The following SASH1 variants were observed in gnomAD, a reference collection of about 807,000 sequenced individuals.
SASH1 encodes the protein SAM and SH3 domain containing 1, also known as SAM and SH3 domain-containing protein 1.
SASH1 carries 44 observed loss-of-function variants against 125.2 expected under a neutral mutation model. The observed-to-expected ratio is 0.35, with a 90% CI of 0.28 to 0.45. SASH1 has a LOEUF of 0.45. SASH1 is among the 20% of genes least tolerant of loss of function. SASH1 has a pLI of 1.00. For missense variants in SASH1, 1,426 were observed against 1,614.5 expected, an observed-to-expected ratio of 0.88 and a Z score of 2.00; for synonymous variants, 639 against 649.1, an observed-to-expected ratio of 0.98 and a Z score of 0.24.
At chr6:148,307,263 T>C (rs1253247980) in intron 1 of SASH1, among the ~76,000 whole-genome samples, 1 of 151,690 alleles carries the variant, frequency 6.6e-6, no homozygotes, top group Admixed American at 6.6e-5. Flanking sequence ...GGATTACAGG[T>C]GTGTGCCACC....
intron 19 of SASH1, 37 bp downstream of exon 19, chr6:148,546,183 A>T: frequency 3.7e-6 from 6 of 1,606,802 alleles, no homozygotes; most frequent in Non-Finnish European, 5.1e-6. Context: ...CCTGAGGCAC[A>T]TTTAGTGATC....
chr6:148,447,756 G>GTCCTCCTCT (rs1453398165), intron 4 of SASH1, among the ~76,000 whole-genome samples: 8 of 139,164 alleles, frequency 5.7e-5, no homozygotes, highest in Admixed American at 1.5e-4. Flanking sequence ...CCTCCTCCTC[G>GTCCTCCTCT]TCCTCCTCTT....
intron 4 of SASH1, among the ~76,000 whole-genome samples, chr6:148,455,388 A>T (rs768911452): frequency 4.6e-5 from 7 of 152,108 alleles, no homozygotes; most frequent in Non-Finnish European, 7.4e-5. Context: ...TGTTCAGCTG[A>T]TGTGGGTAGA....
At chr6:148,313,641 G>A (rs1364093693) in intron 1 of SASH1, among the ~76,000 whole-genome samples, 1 of 151,986 alleles carries the variant, frequency 6.6e-6, no homozygotes, top group Non-Finnish European at 1.5e-5. Flanking sequence ...CAGGTGGCAC[G>A]AGCTCGATGA....
intron 8 of SASH1, chr6:148,513,228 T>C (rs1396916065): frequency 1.0e-6 from 1 of 985,340 alleles, no homozygotes; most frequent in Non-Finnish European, 1.2e-6. Flanking sequence ...TTGTTTTGTG[T>C]GTTCATTTGA....
At chr6:148,299,395 G>A (rs112297850) in intron 1 of SASH1, among the ~76,000 whole-genome samples, 10,526 of 151,772 alleles carry the variant, frequency 0.069, 431 homozygotes, top group African/African-American at 0.12. Context: ...CGTTGGGTGC[G>A]GTGGCTCACA....
intron 7 of SASH1, among the ~76,000 whole-genome samples, chr6:148,476,936 A>G (rs1471694328): frequency 6.6e-6 from 1 of 152,218 alleles, no homozygotes; most frequent in Non-Finnish European, 1.5e-5. Context: ...CTCACTTTCA[A>G]CAAAGGTGCC....
chr6:148,234,594 G>A, the SASH1 span, among the ~76,000 whole-genome samples: 11 of 152,188 alleles, frequency 7.2e-5, no homozygotes, highest in African/African-American at 2.2e-4. Context: ...GGGAGGCCAA[G>A]GCAGGTAGAT....
At chr6:148,486,479 A>G (rs9403956) in intron 7 of SASH1, among the ~76,000 whole-genome samples, 10,155 of 152,170 alleles carry the variant, frequency 0.067, 924 homozygotes, top group East Asian at 0.46. Context: ...CTTGTTTCTG[A>G]ACCTAAACTT....
chr6:148,218,358 A>C, the SASH1 span, among the ~76,000 whole-genome samples: 1 of 152,230 alleles, frequency 6.6e-6, no homozygotes, highest in East Asian at 1.9e-4. Context: ...CCAAAAACAT[A>C]ACCTAACATG....
upstream of SASH1, among the ~76,000 whole-genome samples, chr6:148,341,524 A>C (rs180947775): frequency 1.8e-4 from 28 of 152,122 alleles, no homozygotes; most frequent in African/African-American, 6.7e-4. Flanking sequence ...TTACTTTTGA[A>C]AATGTTTTTA....
At chr6:148,382,125 TA>T (rs1259890758) in intron 1 of SASH1, among the ~76,000 whole-genome samples, 1 of 151,598 alleles carries the variant, frequency 6.6e-6, no homozygotes, top group African/African-American at 2.4e-5. Context: ...ATCAGCAGCA[TA>T]TTTTTTTGAC....
Position 148,424,516 on chromosome 6 carries a change from T to C in SASH1, c.286-15668T>C, listed in dbSNP as rs144749662. Among the ~76,000 whole-genome samples, 348 of 151,566 alleles carry C rather than the reference T, an allele frequency of 2.3e-3. 2 individuals are homozygous for C. The highest frequency in any genetic ancestry group is 7.7e-3 in the African/African-American group (319 of 41,284). ...CTGGGGTTACAGGCGTGAGCCACCATATCCGGCCAGATGGGGCTTGTTCTG... is the reference window on the plus strand; with the variant it reads ...CTGGGGTTACAGGCGTGAGCCACCACATCCGGCCAGATGGGGCTTGTTCTG... On this transcript the variant is annotated intron_variant, in intron 2 of 19. Transcript: ENST00000367467.
chr6:148,368,694 C>CAGAT (rs1782573289), intron 1 of SASH1, among the ~76,000 whole-genome samples: 1 of 150,998 alleles, frequency 6.6e-6, no homozygotes, highest in Admixed American at 6.7e-5. Context: ...TATAGGTATA[C>CAGAT]AGATGCTCAA....
chr6:148,394,192 C>T (rs996656855), intron 2 of SASH1, among the ~76,000 whole-genome samples: 1 of 152,088 alleles, frequency 6.6e-6, no homozygotes, highest in African/African-American at 2.4e-5. Flanking sequence ...TGCGCTCAGC[C>T]TTCAGATTCT....
chr6:148,324,135 A>AAAAAAAAAAAAAG (rs1780734579), intron 1 of SASH1, among the ~76,000 whole-genome samples: 1 of 150,356 alleles, frequency 6.7e-6, no homozygotes, highest in Non-Finnish European at 1.5e-5. Flanking sequence ...AAAAAAAAAA[A>AAAAAAAAAAAAAG]ACAAGCATAA....
chr6:148,448,638 C>G (rs1006948859), intron 4 of SASH1, among the ~76,000 whole-genome samples: 2 of 152,240 alleles, frequency 1.3e-5, no homozygotes, highest in Middle Eastern at 3.4e-3. Context: ...TTTTACCCAG[C>G]CTGTGAGCTC....
chr6:148,248,601 A>G, the SASH1 span, among the ~76,000 whole-genome samples: 2 of 152,224 alleles, frequency 1.3e-5, no homozygotes, highest in African/African-American at 4.8e-5. Context: ...TTAATTTTCC[A>G]CAAATTTCCC....
intron 1 of SASH1, among the ~76,000 whole-genome samples, chr6:148,361,775 AGGTAT>A (rs965962669): frequency 7.9e-5 from 12 of 152,132 alleles, no homozygotes; most frequent in African/African-American, 2.9e-4. Flanking sequence ...AACATTTATC[AGGTAT>A]GGGTTGGACC....
Sources: allele counts gnomAD v4.1 joint callset (sites outside exome capture counted in the v4.1 genomes callset), GRCh38; gene constraint gnomAD v4.1.1; transcripts MANE v1.5; gene names NCBI Gene and HGNC (gene_info 2026-07-23, HGNC 2026-07-21).